ASGR2: variants seen among roughly 807,000 people sequenced by gnomAD.
ASGR2 encodes C-type lectin domain family 4 member H2.
Under a neutral mutation model 32.3 loss-of-function variants are expected in ASGR2, and 34 were observed. That is an observed-to-expected ratio of 1.05 (90% CI 0.80 to 1.40). The LOEUF (loss-of-function observed/expected upper bound fraction) is 1.40, where lower values mean the gene tolerates loss of function less well. ASGR2 is among the 40% of genes most tolerant of loss of function. ASGR2 has a pLI of 0.00. For synonymous variants in ASGR2, 143 were observed against 150.0 expected, an observed-to-expected ratio of 0.95 and a Z score of 0.34; for missense variants, 385 against 386.4, an observed-to-expected ratio of 1.00 and a Z score of 0.03.
chr17:7,101,391 A>T lies in ASGR2; in HGVS notation c.*184T>A. On this transcript the variant is annotated 3_prime_UTR_variant, in exon 9 of 9. Coordinates refer to ENST00000691900, the MANE Select transcript of ASGR2 (RefSeq NM_001201352.2). Reference sequence around the variant, plus strand: ...CTGACGATTATAATAATTACAATGAATTACAGAAGGAGGTGGGATCTCAGT... The same window carrying T: ...CTGACGATTATAATAATTACAATGATTTACAGAAGGAGGTGGGATCTCAGT... The T allele has an allele frequency of 6.2e-6, 4 of 644,212 alleles. No homozygotes were observed. The highest frequency in any genetic ancestry group is 1.0e-5 in the Non-Finnish European group (4 of 396,072). 39.9% of individuals were successfully genotyped at this position (644,212 alleles called of 1,614,324 possible).
Position 7,113,795 on chromosome 17 carries a change from T to C in ASGR2, c.124+322A>G, listed in dbSNP as rs1312551615. Among the ~76,000 whole-genome samples, 2 of 101,592 alleles carry C rather than the reference T, an allele frequency of 2.0e-5. No homozygotes were observed. Among genetic ancestry groups the C allele is most frequent in the African/African-American group, 7.3e-5 (2 of 27,516 alleles). The allele number at this position is 101,592 out of a possible 152,430, so 66.6% of individuals were successfully genotyped here. The stretch of plus-strand genomic sequence containing the variant: ...CGCGCACATATACACACACACAACA[T>C]TCACTCACACACACACACAGAGTCC... On this transcript the variant is annotated intron_variant, in intron 2 of 8. Coordinates refer to ENST00000691900, the MANE Select transcript of ASGR2 (RefSeq NM_001201352.2). This position sits in a 1 kb window ranked among gnomAD's most constrained non-coding sequence, Gnocchi z 5.1.
At chr17:7,102,056 A>T in intron 8 of ASGR2, 34 bp downstream of exon 8, 1 of 1,590,888 alleles carries the variant, frequency 6.3e-7, no homozygotes, top group Non-Finnish European at 8.6e-7. Flanking sequence ...CCCCAGAGAA[A>T]TCTAACAAGG....
At chr17:7,101,854 G>GCACAC in intron 8 of ASGR2, 114 bp from the exon 9 acceptor site, 2 of 1,380,788 alleles carry the variant, frequency 1.4e-6, no homozygotes, top group Non-Finnish European at 2.0e-6. Flanking sequence ...GCTGGGGTGT[G>GCACAC]CCCTGCTACC....
At chr17:7,101,985 G>A in intron 8 of ASGR2, 105 bp downstream of exon 8, 2 of 1,222,876 alleles carry the variant, frequency 1.6e-6, no homozygotes, top group Non-Finnish European at 2.4e-6. Context: ...GGAGAGGATT[G>A]GGGAATTTGG....
At chr17:7,105,490 C>A (rs1913541579) in intron 7 of ASGR2, among the ~76,000 whole-genome samples, 1 of 152,056 alleles carries the variant, frequency 6.6e-6, no homozygotes, top group Admixed American at 6.6e-5. Context: ...CCAGCCTGGG[C>A]AACATGGCAC....
Position 7,108,036 on chromosome 17 carries a change from A to G in ASGR2, c.338-129T>C. On this transcript the variant is annotated intron_variant, in intron 4 of 8. Transcript: ENST00000691900. This position sits in a 1 kb window ranked among gnomAD's most constrained non-coding sequence, Gnocchi z 4.9. ...CCTCCTGGCTTCCTGGACCACACCC[A>G]GGCTCCCTGCACTGCCACAGTGGCT... The G allele has an allele frequency of 1.0e-6, 1 of 961,396 alleles. No homozygotes were observed. Among genetic ancestry groups the G allele is most frequent in the Non-Finnish European group, 1.6e-6 (1 of 641,138 alleles). 59.6% of individuals were successfully genotyped at this position (961,396 alleles called of 1,614,324 possible). A position where few individuals can be genotyped will look rare whatever the true frequency, so the allele number is the denominator to read the frequency against.
intron 7 of ASGR2, among the ~76,000 whole-genome samples, chr17:7,104,441 C>T (rs1913332507): frequency 6.7e-6 from 1 of 149,732 alleles, no homozygotes; most frequent in East Asian, 2.0e-4. Context: ...CACCTGAGGT[C>T]AGGAGTTCAA....
At chr17:7,105,317 T>C (rs1913501959) in intron 7 of ASGR2, among the ~76,000 whole-genome samples, 1 of 151,496 alleles carries the variant, frequency 6.6e-6, no homozygotes. Flanking sequence ...AGAATGTAAA[T>C]GAGACACTCA....
rs1302966563 is a variant in ASGR2 at position 7,108,803 on chromosome 17, C to T, written c.210G>A (p.Leu70=). The T allele has an allele frequency of 6.2e-7, 1 of 1,614,104 alleles. No homozygotes were observed. Among genetic ancestry groups the T allele is most frequent in the South Asian group, 1.1e-5 (1 of 91,070 alleles). ...ACCCAGTCACACAGATGACCACCAG[C>T]AGCAGGATGTTGAAGCTCAGGGCAA... The part of the protein sequence containing the change: ...SLLALSFNIL[L]LVVICVTGSQ... Residue 70 remains leucine, a synonymous_variant, in exon 3 of 9, where the codon CTG becomes CTA. Coordinates refer to ENST00000691900, the MANE Select transcript of ASGR2 (RefSeq NM_001201352.2). This position sits in a 1 kb window ranked among gnomAD's most constrained non-coding sequence, Gnocchi z 4.9.
chr17:7,103,257 A>G (rs1420343911), intron 7 of ASGR2, among the ~76,000 whole-genome samples: 1 of 152,244 alleles, frequency 6.6e-6, no homozygotes, highest in Non-Finnish European at 1.5e-5. Context: ...CCGATTGAGC[A>G]TCAGAAACTG....
chr17:7,105,679 AAAAACAAAAC>A (rs768305885), intron 7 of ASGR2, among the ~76,000 whole-genome samples: 1 of 152,202 alleles, frequency 6.6e-6, no homozygotes, highest in Non-Finnish European at 1.5e-5. Flanking sequence ...ATCTTGTATC[AAAAACAAAAC>A]AAAACAAAAA....
intron 7 of ASGR2, among the ~76,000 whole-genome samples, chr17:7,103,411 A>G (rs569442002): frequency 6.6e-6 from 1 of 152,322 alleles, no homozygotes; most frequent in East Asian, 1.9e-4. Context: ...AACACACACT[A>G]TGTGCTGCTA....
Position 7,113,800 on chromosome 17 carries a change from T to TTA in ASGR2, c.124+316_124+317insTA, listed in dbSNP as rs1915115974. Among the ~76,000 whole-genome samples, 1 of 151,370 alleles carries TTA rather than the reference T, an allele frequency of 6.6e-6. No individual in the cohort carries two copies. The highest frequency in any genetic ancestry group is 1.9e-4 in the East Asian group (1 of 5,136). ...ACATATACACACACACAACATTCAC[T>TTA]CACACACACACACAGAGTCCCAGCT... On this transcript the variant is annotated intron_variant, in intron 2 of 8. Transcript: ENST00000691900. The surrounding 1 kb of genome is among the most constrained non-coding windows in gnomAD (Gnocchi z 5.1).
At chr17:7,111,677 A>G (rs2165886) in intron 2 of ASGR2, among the ~76,000 whole-genome samples, 21,283 of 149,264 alleles carry the variant, frequency 0.14, 1,930 homozygotes, top group African/African-American at 0.24. Context: ...AAAAGAAAAG[A>G]AAGAAAAGAA....
chr17:7,107,737 G>T lies in ASGR2; in HGVS notation c.409+99C>A. 1 of 1,340,510 alleles carries T rather than the reference G, an allele frequency of 7.5e-7. No individual in the cohort carries two copies. Among genetic ancestry groups the T allele is most frequent in the Non-Finnish European group, 1.0e-6 (1 of 955,312 alleles). 83.0% of individuals were successfully genotyped at this position (1,340,510 alleles called of 1,614,324 possible). On this transcript the variant is annotated intron_variant, in intron 5 of 8. Transcript: ENST00000691900. The surrounding 1 kb of genome is among the most constrained non-coding windows in gnomAD (Gnocchi z 5.0). ...CTTGCAGGCACACACACGCACGCAC[G>T]CACACGTGCACACTACACACACCGC...
chr17:7,111,745 C>T (rs1301450861), intron 2 of ASGR2, among the ~76,000 whole-genome samples: 1 of 151,244 alleles, frequency 6.6e-6, no homozygotes, highest in African/African-American at 2.4e-5. Flanking sequence ...AATTTAGGGC[C>T]AGGCACTGTG....
At position 7,108,473 on chromosome 17, in the gene ASGR2, A is replaced by G. The variant is rs750087856; in HGVS notation, c.326T>C (p.Ile109Thr). ...SSSTLTEVQA[I>T]STHGGSVGDK... Reference sequence around the variant, plus strand: ...GTCCAGCCCCTCACCGTGGGTGCTGATTGCCTGGACCTCCGTCAGGGTGCT... The same window carrying G: ...GTCCAGCCCCTCACCGTGGGTGCTGGTTGCCTGGACCTCCGTCAGGGTGCT... Residue 109 changes from isoleucine (I) to threonine (T), a missense_variant, in exon 4 of 9, where the codon ATC becomes ACC. Ile to Thr is a moderately conservative substitution (Grantham distance 89, BLOSUM62 -1). Coordinates refer to ENST00000691900, the MANE Select transcript of ASGR2 (RefSeq NM_001201352.2). The surrounding 1 kb of genome is among the most constrained non-coding windows in gnomAD (Gnocchi z 4.9). 1 of 1,604,610 alleles carries G rather than the reference A, an allele frequency of 6.2e-7. No homozygotes were observed. Among genetic ancestry groups the G allele is most frequent in the South Asian group, 1.1e-5 (1 of 89,148 alleles).
At chr17:7,103,902 G>C (rs1287120399) in intron 7 of ASGR2, among the ~76,000 whole-genome samples, 32 of 151,552 alleles carry the variant, frequency 2.1e-4, no homozygotes. Flanking sequence ...TTTAACATTA[G>C]GTATATCTCC....
In ASGR2 at chr17:7,113,553, A is replaced by ACT. The variant is rs1468122978; in HGVS notation, c.124+563_124+564insAG. ...ACACACACTCATACACAACATACAT[A>ACT]CACACAACATACACACAACATACAC... On this transcript the variant is annotated intron_variant, in intron 2 of 8. Coordinates refer to ENST00000691900, the MANE Select transcript of ASGR2 (RefSeq NM_001201352.2). The surrounding 1 kb of genome is among the most constrained non-coding windows in gnomAD (Gnocchi z 5.1). 6.2e-5 allele frequency among the ~76,000 whole-genome samples: 9 copies of ACT among 144,816 alleles called. No individual in the cohort carries two copies. The highest frequency in any genetic ancestry group is 4.3e-4 in the South Asian group (2 of 4,620).
Sources: allele counts gnomAD v4.1 joint callset (sites outside exome capture counted in the v4.1 genomes callset), GRCh38; gene constraint gnomAD v4.1.1; non-coding constraint Gnocchi (gnomAD v3.1); transcripts MANE v1.5; gene names NCBI Gene and HGNC (gene_info 2026-07-23, HGNC 2026-07-21).